The following POMT2 variants were observed in gnomAD, a reference collection of about 807,000 sequenced individuals.
POMT2 encodes protein O-mannosyltransferase 2, also known as protein O-mannosyl-transferase 2.
A neutral mutation model predicts 100.0 loss-of-function variants in POMT2; 75 were observed. The observed-to-expected ratio is 0.75, with a 90% CI of 0.62 to 0.91. POMT2 has a LOEUF of 0.91. POMT2 is among the 40% of genes least tolerant of loss of function. POMT2 has a pLI of 0.00. For missense variants in POMT2, 940 were observed against 955.1 expected (o/e 0.98, Z 0.21); for synonymous variants, 378 against 374.1 (o/e 1.01, Z -0.12).
chr14:77,276,737 T>G lies in POMT2; in HGVS notation c.*639A>C, dbSNP rs930875502. On this transcript the variant is annotated 3_prime_UTR_variant, in exon 21 of 21. Coordinates refer to ENST00000261534, the MANE Select transcript of POMT2 (RefSeq NM_013382.7). Reference sequence around the variant, plus strand: ...AGGAAGTCCAGCTACCTGCAGCCACTGGGGGGCATGGTGGGAGCCAGGCCC... The same window carrying G: ...AGGAAGTCCAGCTACCTGCAGCCACGGGGGGGCATGGTGGGAGCCAGGCCC... 1 of 152,962 alleles carries G rather than the reference T, an allele frequency of 6.5e-6. No individual in the cohort carries two copies. Among genetic ancestry groups the G allele is most frequent in the Admixed American group, 6.5e-5 (1 of 15,428 alleles). The allele number at this position is 152,962 out of a possible 1,614,324, so 9.5% of individuals were successfully genotyped here. A position where few individuals can be genotyped will look rare whatever the true frequency, so the allele number is the denominator to read the frequency against.
chr14:77,302,540 T>C (rs371713904), intron 5 of POMT2, among the ~76,000 whole-genome samples: 4 of 152,122 alleles, frequency 2.6e-5, no homozygotes, highest in African/African-American at 4.8e-5. Context: ...CCAAAACCCC[T>C]ACCCAATTGT....
At chr14:77,301,037 T>C in intron 6 of POMT2, 53 bp downstream of exon 6, 1 of 1,612,124 alleles carries the variant, frequency 6.2e-7, no homozygotes, top group Non-Finnish European at 8.5e-7. Context: ...CAGCTCCTAC[T>C]CAGCAACATC....
chr14:77,312,866 C>T (rs1408175506), intron 1 of POMT2, among the ~76,000 whole-genome samples: 1 of 152,188 alleles, frequency 6.6e-6, no homozygotes, highest in African/African-American at 2.4e-5. Context: ...GACAAGTAAG[C>T]TGCTAACTGT....
chr14:77,320,135 T>C (rs909900674), intron 1 of POMT2, among the ~76,000 whole-genome samples: 10 of 152,152 alleles, frequency 6.6e-5, no homozygotes, highest in African/African-American at 1.9e-4. Context: ...CTTTGGAAAG[T>C]TGAAAGCACC....
At chr14:77,301,535 T>C (rs1000159601) in intron 5 of POMT2, among the ~76,000 whole-genome samples, 12 of 152,182 alleles carry the variant, frequency 7.9e-5, no homozygotes, top group Non-Finnish European at 1.8e-4. Context: ...GGGCTCCTTC[T>C]TCACAAGTGA....
intron 3 of POMT2, chr14:77,306,107 G>C (rs1227948764): frequency 3.4e-6 from 2 of 586,214 alleles, no homozygotes; most frequent in Non-Finnish European, 5.6e-6. Context: ...ATGCGTGCCT[G>C]CTTCTATCTA....
intron 2 of POMT2, among the ~76,000 whole-genome samples, chr14:77,310,488 A>C (rs1012097565): frequency 1.3e-5 from 2 of 152,172 alleles, no homozygotes; most frequent in African/African-American, 4.8e-5. Flanking sequence ...AGGAAGAGGC[A>C]TAATATGTTC....
chr14:77,317,063 C>T (rs1190958338), intron 1 of POMT2, among the ~76,000 whole-genome samples: 1 of 152,146 alleles, frequency 6.6e-6, no homozygotes, highest in Non-Finnish European at 1.5e-5. Context: ...TGGATTCATG[C>T]AACCGGTGTG....
At chr14:77,305,312 G>A (rs574331513) in intron 3 of POMT2, among the ~76,000 whole-genome samples, 1 of 152,112 alleles carries the variant, frequency 6.6e-6, no homozygotes, top group Non-Finnish European at 1.5e-5. Context: ...TTGGGAAAAG[G>A]GATTGCTTGA....
chr14:77,280,495 G>C (rs537570250), intron 15 of POMT2, 32 bp from the exon 16 acceptor site: 2 of 1,614,060 alleles, frequency 1.2e-6, no homozygotes, highest in Admixed American at 1.7e-5. Context: ...AGCTAGTCAA[G>C]ACAGAGATCT....
At position 77,298,777 on chromosome 14, in the gene POMT2, G is replaced by A. The variant is rs764462802; in HGVS notation, c.924-6C>T. ...AGAAACCGTCACCAGGGCCACTGTG[G>A]GGAGAGGAAGAGCAGAAGAGAGTCA... On this transcript the variant is annotated splice_region_variant and splice_polypyrimidine_tract_variant and intron_variant, in intron 7 of 20. Transcript: ENST00000261534. The A allele has an allele frequency of 6.8e-6, 11 of 1,611,278 alleles. No homozygotes were observed. Among genetic ancestry groups the A allele is most frequent in the Non-Finnish European group, 2.5e-6 (3 of 1,178,608 alleles).
intron 3 of POMT2, among the ~76,000 whole-genome samples, chr14:77,306,028 T>C (rs1891215613): frequency 6.6e-6 from 1 of 152,232 alleles, no homozygotes; most frequent in Non-Finnish European, 1.5e-5. Context: ...AGACTCCTGA[T>C]TGCCCGGGTT....
rs1320907329 is a variant in POMT2 at position 77,301,396 on chromosome 14, G to A, written c.657-147C>T. The A allele has an allele frequency of 7.3e-6, 8 of 1,096,046 alleles. No individual in the cohort carries two copies. In the African/African-American group the frequency reaches 1.1e-4, roughly 15 times the overall value. The allele number at this position is 1,096,046 out of a possible 1,614,324, so 67.9% of individuals were successfully genotyped here. The stretch of plus-strand genomic sequence containing the variant: ...CTTAGCCTCAAGGGACCATGGCGTG[G>A]CTCCATGGAGGAGGCGGCCTGTGAA... On this transcript the variant is annotated intron_variant, in intron 5 of 20. Coordinates refer to ENST00000261534, the MANE Select transcript of POMT2 (RefSeq NM_013382.7).
At position 77,312,142 on chromosome 14, in the gene POMT2, T is replaced by C. The variant is rs61442105; in HGVS notation, c.249-109A>G. On this transcript the variant is annotated intron_variant, in intron 1 of 20. Coordinates refer to ENST00000261534, the MANE Select transcript of POMT2 (RefSeq NM_013382.7). Reference sequence around the variant, plus strand: ...AAGGCTATGCATTTCAAACAATTAATGCAAAAGTCTGGATTTAAAAAAAAA... The same window carrying C: ...AAGGCTATGCATTTCAAACAATTAACGCAAAAGTCTGGATTTAAAAAAAAA... The C allele has an allele frequency of 0.042, 62,422 of 1,477,820 alleles. 1,639 individuals are homozygous for C. Among genetic ancestry groups the C allele is most frequent in the African/African-American group, 0.11 (7,899 of 69,788 alleles). The allele number at this position is 1,477,820 out of a possible 1,614,324, so 91.5% of individuals were successfully genotyped here. A position where few individuals can be genotyped will look rare whatever the true frequency, so the allele number is the denominator to read the frequency against.
Position 77,320,760 on chromosome 14 carries a change from G to C in POMT2, c.-79C>G. 6.5e-7 allele frequency: 1 copy of C among 1,529,558 alleles called. No homozygotes were observed. Among genetic ancestry groups the C allele is most frequent in the Non-Finnish European group, 8.7e-7 (1 of 1,148,340 alleles). The allele number at this position is 1,529,558 out of a possible 1,614,324, so 94.7% of individuals were successfully genotyped here. On this transcript the variant is annotated 5_prime_UTR_variant, in exon 1 of 21. Coordinates refer to ENST00000261534, the MANE Select transcript of POMT2 (RefSeq NM_013382.7). ...GCCGCCCCGCCAAGGAGTCACAAGA[G>C]GGCAGCTCGGGGTACCCCGGGAAAT...
Position 77,320,865 on chromosome 14 carries a change from A to T in POMT2, c.-184T>A. The T allele has an allele frequency of 9.6e-7, 1 of 1,043,866 alleles. No homozygotes were observed. The highest frequency in any genetic ancestry group is 1.2e-6 in the Non-Finnish European group (1 of 817,224). The allele number at this position is 1,043,866 out of a possible 1,614,324, so 64.7% of individuals were successfully genotyped here. ...CAGCGTGGTCGCGGCCCGGGCCGCT[A>T]GGAGGCGGCAGGAGGCGCAGAGCAT... On this transcript the variant is annotated 5_prime_UTR_variant, in exon 1 of 21. Coordinates refer to ENST00000261534, the MANE Select transcript of POMT2 (RefSeq NM_013382.7).
chr14:77,285,699 G>C, intron 12 of POMT2, 67 bp from the exon 13 acceptor site: 1 of 1,538,654 alleles, frequency 6.5e-7, no homozygotes, highest in Non-Finnish European at 9.0e-7. Context: ...GTGTCAGAAA[G>C]GGAAATGGCC....
intron 13 of POMT2, 137 bp from the exon 14 acceptor site, chr14:77,285,178 G>C: frequency 2.3e-6 from 2 of 853,284 alleles, no homozygotes; most frequent in Admixed American, 4.1e-5. Flanking sequence ...GTTCCATGTT[G>C]GACAACTATC....
intron 8 of POMT2, among the ~76,000 whole-genome samples, chr14:77,297,222 A>G (rs1207671337): frequency 1.3e-5 from 2 of 152,198 alleles, no homozygotes; most frequent in East Asian, 3.8e-4. Flanking sequence ...AGCCCTGCAC[A>G]TGGCTGACCA....
Sources: gnomAD v4.1 joint callset for allele counts (sites outside exome capture counted in the v4.1 genomes callset) on GRCh38, gnomAD v4.1.1 for gene constraint, MANE v1.5 for transcripts, NCBI Gene and HGNC (gene_info 2026-07-23, HGNC 2026-07-21) for gene names.